The following IQCM variants were observed in gnomAD, a reference collection of about 807,000 sequenced individuals.
The protein encoded by IQCM is IQ domain-containing protein M.
Under a neutral mutation model 57.6 loss-of-function variants are expected in IQCM, and 45 were observed. The ratio of observed to expected loss-of-function variants is 0.78; its 90% confidence interval spans 0.62 to 1.00. IQCM has a LOEUF of 1.00. Ranked by LOEUF, IQCM falls within the 50% of genes least tolerant of loss-of-function variation. The pLI is 0.00. For synonymous variants in IQCM, 148 were observed against 158.9 expected, an observed-to-expected ratio of 0.93 and a Z score of 0.51; for missense variants, 468 against 511.6, an observed-to-expected ratio of 0.91 and a Z score of 0.82.
intron 13 of IQCM, among the ~76,000 whole-genome samples, chr4:149,373,274 G>A (rs1246620163): frequency 1.3e-5 from 2 of 152,078 alleles, no homozygotes; most frequent in Non-Finnish European, 2.9e-5. Flanking sequence ...GAAATTACAA[G>A]TAAATTTCTC....
chr4:149,615,040 A>G (rs1320098025), intron 8 of IQCM, among the ~76,000 whole-genome samples: 1 of 152,178 alleles, frequency 6.6e-6, no homozygotes, highest in African/African-American at 2.4e-5. Context: ...ATTTCTGCCA[A>G]TATTTGTTTC....
intron 12 of IQCM, among the ~76,000 whole-genome samples, chr4:149,517,562 T>C (rs190114958): frequency 6.6e-6 from 1 of 152,274 alleles, no homozygotes; most frequent in Admixed American, 6.5e-5. Flanking sequence ...AGGGGTAGAC[T>C]TGTGATGGTT....
chr4:149,593,787 T>G (rs983989997), intron 8 of IQCM, among the ~76,000 whole-genome samples: 2 of 152,122 alleles, frequency 1.3e-5, no homozygotes, highest in African/African-American at 4.8e-5. Flanking sequence ...TGAACCAGCC[T>G]TGCATCCCAA....
chr4:149,664,130 A>G (rs189134529), intron 7 of IQCM, among the ~76,000 whole-genome samples: 25 of 152,176 alleles, frequency 1.6e-4, no homozygotes, highest in South Asian at 1.2e-3. Context: ...TTCAGCTCTA[A>G]GATTTCTGTG....
At chr4:149,473,268 A>C (rs960580101) in intron 12 of IQCM, among the ~76,000 whole-genome samples, 3 of 152,196 alleles carry the variant, frequency 2.0e-5, no homozygotes, top group African/African-American at 7.2e-5. Flanking sequence ...AACTTAAACA[A>C]ATTTACAAGA....
chr4:149,765,481 G>C (rs1561249531), intron 2 of IQCM, among the ~76,000 whole-genome samples: 1 of 152,016 alleles, frequency 6.6e-6, no homozygotes, highest in Non-Finnish European at 1.5e-5. Context: ...AACTGTCCTG[G>C]GTGGAGGTCA....
In IQCM at chr4:149,754,122, C is replaced by G. The variant is rs72959422; in HGVS notation, c.-48-11383G>C. 2.7e-3 allele frequency among the ~76,000 whole-genome samples: 404 copies of G among 152,278 alleles called. 4 individuals carry two copies. Among genetic ancestry groups the G allele is most frequent in the African/African-American group, 9.2e-3 (382 of 41,558 alleles). On this transcript the variant is annotated intron_variant, in intron 2 of 13. Coordinates refer to ENST00000636793, the MANE Select transcript of IQCM (RefSeq NM_001363507.2). ...TAAGAGCCCCCTAAAGAACTTATTA[C>G]CCAGCTGCTAGCAATGCTACCAGAT...
chr4:149,604,857 C>T (rs1754635514), intron 8 of IQCM, among the ~76,000 whole-genome samples: 1 of 152,098 alleles, frequency 6.6e-6, no homozygotes, highest in African/African-American at 2.4e-5. Flanking sequence ...TACCTAGCTT[C>T]CCAGGAGGTG....
chr4:149,354,191 C>T (rs1479389980), intron 13 of IQCM, among the ~76,000 whole-genome samples: 2 of 149,290 alleles, frequency 1.3e-5, no homozygotes, highest in Admixed American at 6.7e-5. Flanking sequence ...GGTGAAACCC[C>T]GTCTCTACTA....
chr4:149,378,925 C>T (rs759831173), intron 13 of IQCM, among the ~76,000 whole-genome samples: 3 of 152,136 alleles, frequency 2.0e-5, no homozygotes, highest in Non-Finnish European at 4.4e-5. Flanking sequence ...GGCCTATGGT[C>T]CCTCTGCTGT....
intron 4 of IQCM, among the ~76,000 whole-genome samples, chr4:149,733,885 T>C (rs1032140599): frequency 3.3e-5 from 5 of 152,198 alleles, no homozygotes; most frequent in Non-Finnish European, 7.4e-5. Context: ...TCAACCATCT[T>C]TGAAGAACTT....
chr4:149,377,442 A>T (rs1730776642), intron 13 of IQCM, among the ~76,000 whole-genome samples: 1 of 151,946 alleles, frequency 6.6e-6, no homozygotes, highest in Non-Finnish European at 1.5e-5. Flanking sequence ...GTTTCCTCCT[A>T]CCTTATTGAG....
intron 12 of IQCM, among the ~76,000 whole-genome samples, chr4:149,509,384 T>G (rs1007759347): frequency 1.2e-4 from 18 of 152,104 alleles, no homozygotes; most frequent in African/African-American, 4.3e-4. Context: ...GCTCAAGTGA[T>G]TTTTCTGCCT....
intron 13 of IQCM, among the ~76,000 whole-genome samples, chr4:149,431,011 G>C (rs1326298066): frequency 6.6e-6 from 1 of 151,792 alleles, no homozygotes; most frequent in Non-Finnish European, 1.5e-5. Flanking sequence ...GACTAGCCTG[G>C]CCAACATGGT....
chr4:149,807,322 T>G (rs1346664413), intron 2 of IQCM, among the ~76,000 whole-genome samples: 1 of 151,696 alleles, frequency 6.6e-6, no homozygotes, highest in Non-Finnish European at 1.5e-5. Context: ...GAACATACAC[T>G]GGGGGAAGGG....
intron 13 of IQCM, among the ~76,000 whole-genome samples, chr4:149,417,775 T>A (rs1733848481): frequency 6.6e-6 from 1 of 151,974 alleles, no homozygotes; most frequent in African/African-American, 2.4e-5. Context: ...TGGGGATATG[T>A]TCAGATGCCA....
At chr4:149,484,966 T>C (rs551970535) in intron 12 of IQCM, among the ~76,000 whole-genome samples, 9 of 152,254 alleles carry the variant, frequency 5.9e-5, no homozygotes, top group African/African-American at 2.2e-4. Flanking sequence ...CCAAATATAC[T>C]AATCTAGGGT....
At chr4:149,352,701 C>T (rs1048798911) in intron 13 of IQCM, among the ~76,000 whole-genome samples, 1 of 152,120 alleles carries the variant, frequency 6.6e-6, no homozygotes, top group Non-Finnish European at 1.5e-5. Context: ...TTAAGACAAA[C>T]AGTATTGACT....
chr4:149,728,460 T>A (rs1032400988), intron 5 of IQCM, among the ~76,000 whole-genome samples: 5 of 152,222 alleles, frequency 3.3e-5, no homozygotes, highest in African/African-American at 9.6e-5. Context: ...GCACTGAGCT[T>A]TGTATATTTA....
Sources: allele counts gnomAD v4.1 joint callset (sites outside exome capture counted in the v4.1 genomes callset), GRCh38; gene constraint gnomAD v4.1.1; transcripts MANE v1.5; gene names NCBI Gene and HGNC (gene_info 2026-07-23, HGNC 2026-07-21).